OR52E4: variants seen among roughly 807,000 people sequenced by gnomAD.
The protein encoded by OR52E4 is olfactory receptor family 52 subfamily E member 4.
For synonymous variants in OR52E4, 169 were observed against 137.4 expected, an observed-to-expected ratio of 1.23 and a Z score of -1.61; for missense variants, 444 against 383.8, an observed-to-expected ratio of 1.16 and a Z score of -1.31.
Position 5,885,016 on chromosome 11 carries a change from T to A in OR52E4, c.724T>A (p.Cys242Ser). ...TGTCCGACTAAAGGCCTTCAATACC[T>A]GTGGTTCTCATGTCTGTGTTATGCT... ...QDVRLKAFNTCGSHVCVMLCF... is the reference protein window; with the variant it reads ...QDVRLKAFNTSGSHVCVMLCF... The change falls in exon 2 of 2, where the codon TGT becomes AGT. Residue 242 changes from cysteine to serine, a missense_variant. Coordinates refer to ENST00000641726, the MANE Select transcript of OR52E4 (RefSeq NM_001005165.2). 1 of 1,613,404 alleles carries A rather than the reference T, an allele frequency of 6.2e-7. No individual in the cohort carries two copies. Among genetic ancestry groups the A allele is most frequent in the Non-Finnish European group, 8.5e-7 (1 of 1,179,584 alleles).
chr11:5,886,027 C>T lies in OR52E4; in HGVS notation c.*796C>T, dbSNP rs1564992508. On this transcript the variant is annotated 3_prime_UTR_variant, in exon 2 of 2. Transcript: ENST00000641726. ...ATGGGCCTAGCCTCCCAGGCTACAT[C>T]CTTCTCCTGTGCTGGATGCTTCCTC... 6.6e-6 allele frequency: 1 copy of T among 152,016 alleles called. No homozygotes were observed. Among genetic ancestry groups the T allele is most frequent in the African/African-American group, 2.4e-5 (1 of 41,386 alleles). The allele number at this position is 152,016 out of a possible 1,614,324, so 9.4% of individuals were successfully genotyped here.
At chr11:5,883,292 A>T (rs10769306) in intron 1 of OR52E4, among the ~76,000 whole-genome samples, 123,430 of 151,950 alleles carry the variant, frequency 0.81, 50,242 homozygotes, top group African/African-American at 0.86. Flanking sequence ...ATTAGTAATT[A>T]ATCCATAATA....
Position 5,885,125 on chromosome 11 carries a change from C to G in OR52E4, c.833C>G (p.Ala278Gly). The G allele has an allele frequency of 6.2e-7, 1 of 1,613,374 alleles. No individual in the cohort carries two copies. The highest frequency in any genetic ancestry group is 8.5e-7 in the Non-Finnish European group (1 of 1,179,618). ...CCCCACTATATCCATATTCTTTTGG[C>G]TAACCTGTATGTGGTTGTCCCACCT... ...NIPHYIHILL[A>G]NLYVVVPPAL... is the part of the protein sequence containing the mutation. The change falls in exon 2 of 2, where the codon GCT becomes GGT. Residue 278 changes from alanine to glycine, a missense_variant. Transcript: ENST00000641726.
chr11:5,886,667 T>A lies in OR52E4; in HGVS notation c.*1436T>A, dbSNP rs1467985590. On this transcript the variant is annotated 3_prime_UTR_variant, in exon 2 of 2. Transcript: ENST00000641726. ...TGCTTTAAAATAGATAAAAGAGACA[T>A]TGAACTGAAATTTGTGACTTATCAG... is the stretch of plus-strand genomic sequence containing the variant. 1 of 152,056 alleles carries A rather than the reference T, an allele frequency of 6.6e-6. No individual in the cohort carries two copies. The highest frequency in any genetic ancestry group is 1.5e-5 in the Non-Finnish European group (1 of 67,974). The allele number at this position is 152,056 out of a possible 1,614,324, so 9.4% of individuals were successfully genotyped here.
Position 5,884,834 on chromosome 11 carries a change from G to C in OR52E4, c.542G>C (p.Cys181Ser), listed in dbSNP as rs1847015854. ...CGHNIVPHTY[C>S]EHRGLAGLAC... The stretch of plus-strand genomic sequence containing the variant: ...CATAACATCGTACCTCACACATACT[G>C]TGAGCACAGGGGTCTGGCCGGGTTG... Residue 181 changes from cysteine to serine, a missense_variant, in exon 2 of 2, where the codon TGT becomes TCT. Physicochemically the swap from Cys to Ser is moderately radical, Grantham distance 112. Transcript: ENST00000641726. 5.0e-6 allele frequency: 8 copies of C among 1,613,336 alleles called. No individual in the cohort carries two copies. Among genetic ancestry groups the C allele is most frequent in the Non-Finnish European group, 6.8e-6 (8 of 1,179,636 alleles).
intron 1 of OR52E4, 49 bp from the exon 2 acceptor site, chr11:5,884,170 C>G (rs1847000832): frequency 4.3e-6 from 3 of 703,400 alleles, no homozygotes; most frequent in Non-Finnish European, 5.0e-6. Flanking sequence ...AATTAACCAC[C>G]TATACCATTA....
intron 1 of OR52E4, among the ~76,000 whole-genome samples, chr11:5,882,580 T>C (rs935957): frequency 0.82 from 124,440 of 152,020 alleles, 51,095 homozygotes; most frequent in African/African-American, 0.88. Context: ...ACTCCTTTGC[T>C]TGTGTACTTC....
At position 5,884,880 on chromosome 11, in the gene OR52E4, C is replaced by T; in HGVS notation, c.588C>T (p.Ile196=). 6.2e-7 allele frequency: 1 copy of T among 1,613,164 alleles called. No homozygotes were observed. Among genetic ancestry groups the T allele is most frequent in the Non-Finnish European group, 8.5e-7 (1 of 1,179,378 alleles). ...LAGLACAPIK[I]NIIYGLMVIS... is the part of the protein sequence containing the mutation. ...GGTTGGCCTGTGCACCCATTAAGAT[C>T]AACATAATCTATGGGCTCATGGTGA... The change falls in exon 2 of 2, where the codon ATC becomes ATT. Residue 196 remains isoleucine (I), a synonymous_variant. Transcript: ENST00000641726.
chr11:5,884,370 T>TA lies in OR52E4; in HGVS notation c.79dup (p.Ile27AsnfsTer28). ...GAATACCAGGACTGGACACTTTACA[T>TA]ATCTGGATTTCTTTCCCATTCTGTA... is the stretch of plus-strand genomic sequence containing the variant. On this transcript the variant is annotated frameshift_variant, in exon 2 of 2. Transcript: ENST00000641726. LOFTEE classifies it low-confidence loss of function (END_TRUNC). 7 of 1,613,240 alleles carry TA rather than the reference T, an allele frequency of 4.3e-6. No individual in the cohort carries two copies. The highest frequency in any genetic ancestry group is 3.3e-4 in the Middle Eastern group (2 of 6,050).
In OR52E4 at chr11:5,885,016, T is replaced by C. The variant is rs765057181; in HGVS notation, c.724T>C (p.Cys242Arg). The part of the protein sequence containing the change: ...QDVRLKAFNT[C>R]GSHVCVMLCF... The stretch of plus-strand genomic sequence containing the variant: ...TGTCCGACTAAAGGCCTTCAATACC[T>C]GTGGTTCTCATGTCTGTGTTATGCT... The change falls in exon 2 of 2, where the codon TGT becomes CGT. Residue 242 changes from cysteine to arginine, a missense_variant. By Grantham distance (180) the Cys-to-Arg change is radical. Transcript: ENST00000641726. 1.2e-6 allele frequency: 2 copies of C among 1,613,404 alleles called. No homozygotes were observed. Among genetic ancestry groups the C allele is most frequent in the South Asian group, 2.2e-5 (2 of 91,072 alleles).
Position 5,886,034 on chromosome 11 carries a change from C to T in OR52E4, c.*803C>T, listed in dbSNP as rs1847037801. The stretch of plus-strand genomic sequence containing the variant: ...TAGCCTCCCAGGCTACATCCTTCTC[C>T]TGTGCTGGATGCTTCCTCCTCGAAC... On this transcript the variant is annotated 3_prime_UTR_variant, in exon 2 of 2. Transcript: ENST00000641726. The T allele has an allele frequency of 6.6e-6, 1 of 152,016 alleles. No individual in the cohort carries two copies. The highest frequency in any genetic ancestry group is 2.1e-4 in the South Asian group (1 of 4,818). 9.4% of individuals were successfully genotyped at this position (152,016 alleles called of 1,614,324 possible). A position where few individuals can be genotyped will look rare whatever the true frequency, so the allele number is the denominator to read the frequency against.
chr11:5,884,299 T>C lies in OR52E4; in HGVS notation c.7T>C (p.Ser3Pro). 1 of 1,604,754 alleles carries C rather than the reference T, an allele frequency of 6.2e-7. No homozygotes were observed. Among genetic ancestry groups the C allele is most frequent in the South Asian group, 1.1e-5 (1 of 89,530 alleles). Residue 3 changes from serine to proline, a missense_variant, in exon 2 of 2, where the codon TCT (serine) becomes CCT (proline). Coordinates refer to ENST00000641726, the MANE Select transcript of OR52E4 (RefSeq NM_001005165.2). ...AGTGACACTTGCTGGGAGAATGCCT[T>C]CTATCAATGACACCCACTTCTATCC... MPSINDTHFYPPF... is the reference protein window; with the variant it reads MPPINDTHFYPPF...
Position 5,885,135 on chromosome 11 carries a change from T to G in OR52E4, c.843T>G (p.Tyr281Ter), listed in dbSNP as rs375153501. ...HYIHILLANLYVVVPPALNPV... is the reference protein window; with the variant it reads ...HYIHILLANL ...TCCATATTCTTTTGGCTAACCTGTA[T>G]GTGGTTGTCCCACCTGCCCTTAACC... Residue 281 changes from tyrosine to a stop codon, truncating the protein, a stop_gained, in exon 2 of 2, where the codon TAT becomes TAG. Coordinates refer to ENST00000641726, the MANE Select transcript of OR52E4 (RefSeq NM_001005165.2). LOFTEE classifies it high-confidence loss of function. 1 of 1,613,502 alleles carries G rather than the reference T, an allele frequency of 6.2e-7. No individual in the cohort carries two copies. Among genetic ancestry groups the G allele is most frequent in the South Asian group, 1.1e-5 (1 of 91,070 alleles).
At chr11:5,883,350 C>T (rs1254723822) in intron 1 of OR52E4, among the ~76,000 whole-genome samples, 1 of 151,958 alleles carries the variant, frequency 6.6e-6, no homozygotes, top group African/African-American at 2.4e-5. Flanking sequence ...AAAGTTCTAA[C>T]AGAGACTGAT....
Position 5,884,270 on chromosome 11 carries a change from A to G in OR52E4, c.-23A>G. The G allele has an allele frequency of 6.5e-7, 1 of 1,540,976 alleles. No homozygotes were observed. The highest frequency in any genetic ancestry group is 8.9e-7 in the Non-Finnish European group (1 of 1,126,136). On this transcript the variant is annotated 5_prime_UTR_variant, in exon 2 of 2. Transcript: ENST00000641726. ...AAAGTGAGATCCTTCATACTTAGGAATTCAGTGACACTTGCTGGGAGAATG... is the reference window on the plus strand; with the variant it reads ...AAAGTGAGATCCTTCATACTTAGGAGTTCAGTGACACTTGCTGGGAGAATG...
intron 1 of OR52E4, among the ~76,000 whole-genome samples, chr11:5,881,763 T>C (rs1846966390): frequency 6.6e-6 from 1 of 152,064 alleles, no homozygotes; most frequent in East Asian, 1.9e-4. Context: ...CAAACATTGG[T>C]CTTATTTATC....
chr11:5,884,192 C>G (rs943169015), intron 1 of OR52E4, 27 bp from the exon 2 acceptor site: 4 of 811,186 alleles, frequency 4.9e-6, no homozygotes, highest in Non-Finnish European at 6.1e-6. Flanking sequence ...CTCTAGCACA[C>G]TGATAAGAGT....
intron 1 of OR52E4, among the ~76,000 whole-genome samples, chr11:5,882,023 C>A (rs1438614486): frequency 1.3e-5 from 2 of 152,024 alleles, no homozygotes; most frequent in Non-Finnish European, 2.9e-5. Context: ...CTTTGGTGAG[C>A]ACAATAAGAG....
At chr11:5,880,880 G>A (rs1305100702) in intron 1 of OR52E4, among the ~76,000 whole-genome samples, 166 bp downstream of exon 1, 2 of 152,106 alleles carry the variant, frequency 1.3e-5, no homozygotes, top group Non-Finnish European at 2.9e-5. Flanking sequence ...GATTGGTGAG[G>A]GCAGTGGTGT....
Sources: allele counts gnomAD v4.1 joint callset (sites outside exome capture counted in the v4.1 genomes callset), GRCh38; gene constraint gnomAD v4.1.1; transcripts MANE v1.5; gene names NCBI Gene and HGNC (gene_info 2026-07-23, HGNC 2026-07-21).